The following OXR1 variants were observed in gnomAD, a reference collection of about 807,000 sequenced individuals.
OXR1 encodes oxidation resistance 1, also known as oxidation resistance protein 1.
OXR1 carries 41 observed loss-of-function variants against 104.6 expected under a neutral mutation model. That is an observed-to-expected ratio of 0.39 (90% CI 0.31 to 0.51). OXR1 has a LOEUF of 0.51. Among genes scored for constraint, OXR1 ranks in the 20% least tolerant of loss-of-function variants. The pLI is 0.77. For synonymous variants in OXR1, 348 were observed against 348.4 expected, an observed-to-expected ratio of 1.00 and a Z score of 0.01; for missense variants, 955 against 1,031.9, an observed-to-expected ratio of 0.93 and a Z score of 1.02.
chr8:106,672,459 C>T (rs987309604), intron 3 of OXR1, among the ~76,000 whole-genome samples: 2 of 150,418 alleles, frequency 1.3e-5, no homozygotes, highest in African/African-American at 4.9e-5. Flanking sequence ...TGTACTCCAG[C>T]CTGGGCAACA....
rs1825897957 is a variant in OXR1 at position 106,662,839 on chromosome 8, G to GAT, written c.221-16371_221-16370insAT. Among the ~76,000 whole-genome samples, 323 of 149,116 alleles carry GAT rather than the reference G, an allele frequency of 2.2e-3. 4 individuals carry two copies. Among genetic ancestry groups the GAT allele is most frequent in the Admixed American group, 0.019 (275 of 14,854 alleles). On this transcript the variant is annotated intron_variant, in intron 3 of 16. Transcript: ENST00000517566. ...GGGGTAATGTCTATTTCAGTAAATG[G>GAT]GATGATGATGATGATGATGATGATG...
chr8:106,569,564 G>T (rs1817324447), intron 3 of OXR1, among the ~76,000 whole-genome samples: 1 of 152,126 alleles, frequency 6.6e-6, no homozygotes, highest in Non-Finnish European at 1.5e-5. Flanking sequence ...CCCTTTTCCA[G>T]ATATACAAGA....
intron 11 of OXR1, among the ~76,000 whole-genome samples, chr8:106,732,130 C>G (rs1833945247): frequency 6.6e-6 from 1 of 152,076 alleles, no homozygotes; most frequent in Non-Finnish European, 1.5e-5. Flanking sequence ...ATTTCATTTA[C>G]ATTATGCTAA....
intron 2 of OXR1, among the ~76,000 whole-genome samples, chr8:106,384,251 T>C (rs1016215413): frequency 1.3e-5 from 2 of 152,230 alleles, no homozygotes. Context: ...AATGTTTACT[T>C]CATTATCTCA....
At chr8:106,609,954 G>A (rs768775670) in intron 3 of OXR1, among the ~76,000 whole-genome samples, 43 of 152,016 alleles carry the variant, frequency 2.8e-4, no homozygotes, top group Admixed American at 5.9e-4. Flanking sequence ...TTTCCTAAAC[G>A]ATATCAGTTC....
At chr8:106,515,725 T>C (rs1355279375) in intron 2 of OXR1, among the ~76,000 whole-genome samples, 1 of 152,186 alleles carries the variant, frequency 6.6e-6, no homozygotes, top group African/African-American at 2.4e-5. Context: ...TCTGTAGCTT[T>C]TAGCTCTAGT....
At chr8:106,311,619 A>G (rs1813703788) in intron 1 of OXR1, among the ~76,000 whole-genome samples, 1 of 152,116 alleles carries the variant, frequency 6.6e-6, no homozygotes, top group Non-Finnish European at 1.5e-5. Context: ...GAGGAGGTGT[A>G]GTCATCTGGT....
At chr8:106,437,119 C>G (rs1406346652) in intron 2 of OXR1, among the ~76,000 whole-genome samples, 1 of 152,092 alleles carries the variant, frequency 6.6e-6, no homozygotes, top group Non-Finnish European at 1.5e-5. Context: ...TGTCTTTTAT[C>G]TCCATATAAT....
At chr8:106,302,542 C>T (rs1191166366) in intron 1 of OXR1, among the ~76,000 whole-genome samples, 10 of 148,122 alleles carry the variant, frequency 6.8e-5, no homozygotes, top group South Asian at 2.1e-4. Context: ...GCTTAGATCG[C>T]GCCAGTGCAC....
At chr8:106,682,881 A>G (rs28921399) in intron 4 of OXR1, among the ~76,000 whole-genome samples, 2,319 of 152,290 alleles carry the variant, frequency 0.015, 34 homozygotes, top group Admixed American at 0.047. Flanking sequence ...ATTCAAAGGA[A>G]TAGTGTATTA....
chr8:106,519,561 A>G (rs986158112), intron 3 of OXR1, among the ~76,000 whole-genome samples: 2 of 152,116 alleles, frequency 1.3e-5, no homozygotes, highest in African/African-American at 4.8e-5. Flanking sequence ...CTGTTCCGTC[A>G]GGTTGTTAAG....
At chr8:106,479,574 C>A (rs191382241) in intron 2 of OXR1, among the ~76,000 whole-genome samples, 2 of 152,068 alleles carry the variant, frequency 1.3e-5, no homozygotes, top group Non-Finnish European at 1.5e-5. Context: ...ACACAGCCTG[C>A]CTGACCATCC....
intron 2 of OXR1, among the ~76,000 whole-genome samples, chr8:106,496,547 T>C (rs990169128): frequency 4.6e-5 from 7 of 152,174 alleles, no homozygotes; most frequent in African/African-American, 1.7e-4. Flanking sequence ...TTACTAGTAC[T>C]ATACCAGGAT....
At chr8:106,411,374 A>G (rs147874772) in intron 2 of OXR1, among the ~76,000 whole-genome samples, 1 of 152,280 alleles carries the variant, frequency 6.6e-6, no homozygotes, top group Non-Finnish European at 1.5e-5. Flanking sequence ...CCCATTTTGT[A>G]CTGTGCAGTG....
At chr8:106,421,245 C>T (rs994100053) in intron 2 of OXR1, among the ~76,000 whole-genome samples, 1 of 152,222 alleles carries the variant, frequency 6.6e-6, no homozygotes, top group East Asian at 1.9e-4. Context: ...CTGCTCTTCT[C>T]TAGACCTCTT....
intron 2 of OXR1, among the ~76,000 whole-genome samples, chr8:106,474,020 C>T (rs778733989): frequency 0.032 from 2,558 of 79,116 alleles, 42 homozygotes; most frequent in African/African-American, 0.094. Flanking sequence ...TATACACACA[C>T]ACACACACAC....
intron 2 of OXR1, among the ~76,000 whole-genome samples, chr8:106,453,278 C>T (rs186445068): frequency 6.6e-6 from 1 of 152,286 alleles, no homozygotes; most frequent in Admixed American, 6.5e-5. Context: ...CTTTGTATTC[C>T]CTGGGCTTAG....
intron 3 of OXR1, among the ~76,000 whole-genome samples, chr8:106,552,800 C>T (rs890200079): frequency 6.6e-6 from 1 of 152,084 alleles, no homozygotes; most frequent in African/African-American, 2.4e-5. Flanking sequence ...CAGTTAAGTT[C>T]ATTTGTATGA....
At chr8:106,658,259 G>C in intron 3 of OXR1, 1 of 1,225,702 alleles carries the variant, frequency 8.2e-7, no homozygotes, top group African/African-American at 1.6e-5. Flanking sequence ...CGGTCGTGGC[G>C]CCGGGCGGGG....
Sources: gnomAD v4.1 joint callset for allele counts (sites outside exome capture counted in the v4.1 genomes callset) on GRCh38, gnomAD v4.1.1 for gene constraint, MANE v1.5 for transcripts, NCBI Gene and HGNC (gene_info 2026-07-23, HGNC 2026-07-21) for gene names.